The following USP54 variants were observed in gnomAD, a reference collection of about 807,000 sequenced individuals.
USP54 encodes ubiquitin specific peptidase 54.
USP54 carries 87 observed loss-of-function variants against 170.5 expected under a neutral mutation model. That is an observed-to-expected ratio of 0.51 (90% CI 0.43 to 0.61). The LOEUF is 0.61. USP54 is among the 20% of genes least tolerant of loss of function. USP54 has a pLI of 0.00. For synonymous variants in USP54, 655 were observed against 742.8 expected (o/e 0.88, Z 1.92); for missense variants, 1,786 against 2,047.8 (o/e 0.87, Z 2.47).
intron 4 of USP54, among the ~76,000 whole-genome samples, chr10:73,557,366 G>T (rs2071366781): frequency 6.6e-6 from 1 of 151,628 alleles, no homozygotes; most frequent in Non-Finnish European, 1.5e-5. Flanking sequence ...CTGTCACCCA[G>T]GCAGAAGCGC....
At chr10:73,621,349 C>A (rs112305766) in intron 1 of USP54, among the ~76,000 whole-genome samples, 6,810 of 149,580 alleles carry the variant, frequency 0.046, 1,033 homozygotes, top group African/African-American at 0.16. Context: ...CGCCTGTAAT[C>A]CCAGCACGTT....
At chr10:73,516,341 C>T (rs1431739293) in intron 20 of USP54, 34 bp downstream of exon 20, 4 of 1,565,998 alleles carry the variant, frequency 2.6e-6, no homozygotes, top group Non-Finnish European at 1.7e-6. Flanking sequence ...ATATGATCCT[C>T]CCCCCTCCCC....
chr10:73,585,117 A>C (rs1357601088), intron 1 of USP54, among the ~76,000 whole-genome samples: 1 of 152,218 alleles, frequency 6.6e-6, no homozygotes, highest in Non-Finnish European at 1.5e-5. Context: ...AAATTAATAG[A>C]TGGATTTTTC....
chr10:73,539,021 C>T (rs1671774832), intron 10 of USP54, among the ~76,000 whole-genome samples: 1 of 151,980 alleles, frequency 6.6e-6, no homozygotes, highest in African/African-American at 2.4e-5. Context: ...TGGCTCATGC[C>T]TATAATTCCA....
At position 73,530,487 on chromosome 10, in the gene USP54, G is replaced by A; in HGVS notation, c.1484C>T (p.Ala495Val). Residue 495 changes from alanine to valine, a missense_variant, in exon 14 of 24, where the codon GCC (alanine) becomes GTC (valine). This residue lies in a region of USP54 where 1,418 missense variants were observed against 1,569.0 expected (regional missense o/e 0.90). Transcript: ENST00000687698. ...TLKEKQAPRN[A>V]SKPSSSTNRL... ...GTTGGTGCTGCTGGATGGTTTGGAG[G>A]CATTTCTAGGAGCCTGCTTCTCTTT... 1 of 1,611,788 alleles carries A rather than the reference G, an allele frequency of 6.2e-7. No individual in the cohort carries two copies. Among genetic ancestry groups the A allele is most frequent in the East Asian group, 2.2e-5 (1 of 44,870 alleles).
At chr10:73,530,576 C>T in intron 13 of USP54, 53 bp from the exon 14 acceptor site, 1 of 1,568,832 alleles carries the variant, frequency 6.4e-7, no homozygotes, top group Non-Finnish European at 8.6e-7. Flanking sequence ...ATCATGGATA[C>T]TAGACCCCAA....
chr10:73,547,576 C>T (rs1174479219), intron 4 of USP54, among the ~76,000 whole-genome samples: 1 of 152,088 alleles, frequency 6.6e-6, no homozygotes, highest in Admixed American at 6.5e-5. Flanking sequence ...AGAAATAATG[C>T]CACACATCTA....
At chr10:73,574,719 G>C (rs1045079384) in intron 3 of USP54, among the ~76,000 whole-genome samples, 1 of 152,020 alleles carries the variant, frequency 6.6e-6, no homozygotes, top group Non-Finnish European at 1.5e-5. Context: ...AGAGGTTGCA[G>C]TGAGCCGAGA....
chr10:73,544,851 C>A (rs946412912), intron 5 of USP54, among the ~76,000 whole-genome samples: 3 of 151,986 alleles, frequency 2.0e-5, no homozygotes, highest in Non-Finnish European at 4.4e-5. Context: ...GTAGCTGGGA[C>A]TATAGGCGCC....
At chr10:73,604,981 G>A (rs1405296548) in intron 1 of USP54, among the ~76,000 whole-genome samples, 6 of 152,074 alleles carry the variant, frequency 3.9e-5, no homozygotes, top group East Asian at 1.9e-4. Flanking sequence ...CCTGCTGATC[G>A]GTCCATTTTA....
chr10:73,585,910 G>A (rs775845506), intron 1 of USP54, among the ~76,000 whole-genome samples: 1 of 152,122 alleles, frequency 6.6e-6, no homozygotes, highest in Non-Finnish European at 1.5e-5. Flanking sequence ...AGTCCCAGGA[G>A]GCTGAGGCAG....
chr10:73,603,671 C>A (rs1000137397), intron 1 of USP54, among the ~76,000 whole-genome samples: 1 of 151,506 alleles, frequency 6.6e-6, no homozygotes, highest in Non-Finnish European at 1.5e-5. Context: ...GCACTTTAAC[C>A]CGGGAGGCAG....
At chr10:73,505,140 G>T in intron 21 of USP54, 150 bp from the exon 22 acceptor site, 1 of 1,288,360 alleles carries the variant, frequency 7.8e-7, no homozygotes, top group Non-Finnish European at 1.1e-6. Context: ...TAGTGGCCAT[G>T]TAACAATCTC....
rs377006085 is a variant in USP54 at position 73,517,318 on chromosome 10, G to T, written c.3108C>A (p.Ser1036=). 1.6e-5 allele frequency: 25 copies of T among 1,612,574 alleles called. 1 individual carries two copies. Among genetic ancestry groups the T allele is most frequent in the Admixed American group, 3.3e-5 (2 of 59,836 alleles). Residue 1036 remains serine (S), a synonymous_variant, in exon 20 of 24, where the codon TCC becomes TCA. Coordinates refer to ENST00000687698, the MANE Select transcript of USP54 (RefSeq NM_001391956.1). ...AGGTGGCTATTCCAGGCATCACCGG[G>T]GAGGGGTTAGCAGGATCCTTCTTTT... ...FQEKKDPANP[S]PVMPGIATSE...
At chr10:73,545,854 A>T (rs1333751514) in intron 4 of USP54, among the ~76,000 whole-genome samples, 182 bp from the exon 5 acceptor site, 1 of 152,184 alleles carries the variant, frequency 6.6e-6, no homozygotes, top group Non-Finnish European at 1.5e-5. Flanking sequence ...GAAGGGCATG[A>T]TCTGTGCTAA....
At chr10:73,586,622 A>T (rs1187632477) in intron 1 of USP54, among the ~76,000 whole-genome samples, 1 of 152,142 alleles carries the variant, frequency 6.6e-6, no homozygotes, top group African/African-American at 2.4e-5. Flanking sequence ...ATAAATTCTG[A>T]CTCTCCTTAA....
At chr10:73,534,476 C>T (rs974147708) in intron 12 of USP54, 124 bp downstream of exon 12, 11 of 1,164,906 alleles carry the variant, frequency 9.4e-6, no homozygotes, top group East Asian at 5.0e-5. Flanking sequence ...CCGCCCGCCT[C>T]GGCCTCCCAA....
At chr10:73,521,765 C>T (rs181961721) in intron 17 of USP54, among the ~76,000 whole-genome samples, 41 of 152,326 alleles carry the variant, frequency 2.7e-4, no homozygotes, top group Middle Eastern at 3.4e-3. Context: ...AAGTCACCTT[C>T]CCATACAGCA....
intron 12 of USP54, among the ~76,000 whole-genome samples, chr10:73,534,085 T>C (rs1404785351): frequency 6.6e-6 from 1 of 152,260 alleles, no homozygotes; most frequent in African/African-American, 2.4e-5. Flanking sequence ...CAGGAGTATG[T>C]GCAATGGAGC....
Sources: allele counts gnomAD v4.1 joint callset (sites outside exome capture counted in the v4.1 genomes callset), GRCh38; gene constraint gnomAD v4.1.1; regional missense constraint gnomAD v4.1.1; transcripts MANE v1.5; gene names NCBI Gene and HGNC (gene_info 2026-07-23, HGNC 2026-07-21).